The following MOB3B variants were observed in gnomAD, a reference collection of about 807,000 sequenced individuals.
The protein encoded by MOB3B is MOB kinase activator-like 2B.
In MOB3B, 7 loss-of-function variants were observed where a neutral mutation model predicts 18.7. The observed-to-expected ratio is 0.37, with a 90% confidence interval of 0.21 to 0.70. The LOEUF (loss-of-function observed/expected upper bound fraction) is 0.70, where lower values mean the gene tolerates loss of function less well. Ranked by LOEUF, MOB3B falls within the 30% of genes least tolerant of loss-of-function variation. MOB3B has a pLI of 0.52. For missense variants in MOB3B, 253 were observed against 281.3 expected (o/e 0.90, Z 0.72); for synonymous variants, 111 against 99.9 (o/e 1.11, Z -0.66).
At chr9:27,403,516 ATT>A (rs74178385) in intron 2 of MOB3B, among the ~76,000 whole-genome samples, 13,273 of 78,246 alleles carry the variant, frequency 0.17, 1,064 homozygotes, top group Non-Finnish European at 0.22. Context: ...CTCTTTACTA[ATT>A]TTTTTTTTTT....
At chr9:27,524,104 G>GA (rs113230406) in intron 1 of MOB3B, among the ~76,000 whole-genome samples, 2,774 of 96,944 alleles carry the variant, frequency 0.029, 96 homozygotes, top group African/African-American at 0.1. Context: ...ATTTTTCAGG[G>GA]AAAAAAAAAA....
chr9:27,345,970 A>G (rs1450350339), intron 3 of MOB3B, among the ~76,000 whole-genome samples: 1 of 152,228 alleles, frequency 6.6e-6, no homozygotes, highest in East Asian at 1.9e-4. Flanking sequence ...ATACCATGCT[A>G]TAATTTGAAT....
chr9:27,464,774 T>C (rs182284154), intron 1 of MOB3B, among the ~76,000 whole-genome samples: 77 of 152,210 alleles, frequency 5.1e-4, no homozygotes, highest in Middle Eastern at 3.4e-3. Flanking sequence ...ACTTCTTACA[T>C]GGCAGCAGCA....
chr9:27,522,743 T>C (rs1469510622), intron 1 of MOB3B, among the ~76,000 whole-genome samples: 4 of 152,060 alleles, frequency 2.6e-5, no homozygotes, highest in African/African-American at 4.8e-5. Flanking sequence ...TCAAATATTA[T>C]GTACATTTTT....
At chr9:27,420,545 T>A (rs1822228384) in intron 2 of MOB3B, among the ~76,000 whole-genome samples, 1 of 97,360 alleles carries the variant, frequency 1.0e-5, no homozygotes. Flanking sequence ...CATCTGTATA[T>A]TCCATATATA....
intron 2 of MOB3B, among the ~76,000 whole-genome samples, chr9:27,441,294 T>C (rs1006688242): frequency 3.3e-5 from 5 of 152,182 alleles, no homozygotes; most frequent in Non-Finnish European, 7.3e-5. Flanking sequence ...ATTCATACCA[T>C]AGATCTGAGC....
At chr9:27,487,681 G>T (rs954987491) in intron 1 of MOB3B, among the ~76,000 whole-genome samples, 1 of 152,106 alleles carries the variant, frequency 6.6e-6, no homozygotes, top group Non-Finnish European at 1.5e-5. Flanking sequence ...CTTAGGGGCT[G>T]CTTGGCCACC....
intron 1 of MOB3B, among the ~76,000 whole-genome samples, chr9:27,476,544 T>C (rs1240338262): frequency 6.6e-6 from 1 of 152,182 alleles, no homozygotes; most frequent in Non-Finnish European, 1.5e-5. Context: ...TGTTAACTGA[T>C]TATTTTCTGC....
At chr9:27,419,862 T>C (rs995831268) in intron 2 of MOB3B, among the ~76,000 whole-genome samples, 6 of 151,862 alleles carry the variant, frequency 4.0e-5, no homozygotes, top group Middle Eastern at 3.4e-3. Context: ...GCAGAGTAAA[T>C]AGAAAACCCA....
chr9:27,382,779 G>T (rs572488929), intron 2 of MOB3B, among the ~76,000 whole-genome samples: 1 of 151,702 alleles, frequency 6.6e-6, no homozygotes, highest in South Asian at 2.1e-4. Flanking sequence ...TGCAGAACTG[G>T]TGCTTTTTGC....
intron 3 of MOB3B, among the ~76,000 whole-genome samples, chr9:27,355,798 G>A (rs575097236): frequency 1.3e-5 from 2 of 152,006 alleles, no homozygotes; most frequent in Non-Finnish European, 2.9e-5. Context: ...TCCTGACCTC[G>A]TGATCTGCCT....
At position 27,328,799 on chromosome 9, in the gene MOB3B, T is replaced by C. The variant is rs942543141; in HGVS notation, c.*1788A>G. On this transcript the variant is annotated 3_prime_UTR_variant, in exon 4 of 4. Transcript: ENST00000262244. ...CTCTTGTTTCTGTTCTCTGGATCTCTGTGATGGTCAGATATTCTTTTGGCC... is the reference window on the plus strand; with the variant it reads ...CTCTTGTTTCTGTTCTCTGGATCTCCGTGATGGTCAGATATTCTTTTGGCC... The C allele has an allele frequency of 1.3e-5, 2 of 152,648 alleles. No individual in the cohort carries two copies. Among genetic ancestry groups the C allele is most frequent in the Non-Finnish European group, 2.9e-5 (2 of 68,060 alleles). The allele number at this position is 152,648 out of a possible 1,614,324, so 9.5% of individuals were successfully genotyped here.
At chr9:27,362,047 C>T (rs1212794794) in intron 2 of MOB3B, among the ~76,000 whole-genome samples, 1 of 152,206 alleles carries the variant, frequency 6.6e-6, no homozygotes, top group Non-Finnish European at 1.5e-5. Flanking sequence ...ATGGCAATTG[C>T]TGGCCCCTTT....
At chr9:27,450,250 A>T (rs1822764250) in intron 2 of MOB3B, among the ~76,000 whole-genome samples, 1 of 152,130 alleles carries the variant, frequency 6.6e-6, no homozygotes, top group South Asian at 2.1e-4. Context: ...GAGCAACTAG[A>T]CATTCTGGAC....
chr9:27,412,756 A>G (rs1822089719), intron 2 of MOB3B, among the ~76,000 whole-genome samples: 1 of 152,236 alleles, frequency 6.6e-6, no homozygotes, highest in South Asian at 2.1e-4. Flanking sequence ...CCTGCTTTGA[A>G]CAGAAACAGT....
rs2131325831 is a variant in MOB3B, at chr9:27,328,195, A to C, written c.*2392T>G. 1 of 152,036 alleles carries C rather than the reference A, an allele frequency of 6.6e-6. No homozygotes were observed. Among genetic ancestry groups the C allele is most frequent in the African/African-American group, 2.4e-5 (1 of 41,546 alleles). 9.4% of individuals were successfully genotyped at this position (152,036 alleles called of 1,614,324 possible). A position where few individuals can be genotyped will look rare whatever the true frequency, so the allele number is the denominator to read the frequency against. On this transcript the variant is annotated 3_prime_UTR_variant, in exon 4 of 4. Coordinates refer to ENST00000262244, the MANE Select transcript of MOB3B (RefSeq NM_024761.5). Reference sequence around the variant, plus strand: ...TAAAATTTCCCAAAATTAAAATGAAAGCAGAAAAAGAAGGAGAGTAGGACA... The same window carrying C: ...TAAAATTTCCCAAAATTAAAATGAACGCAGAAAAAGAAGGAGAGTAGGACA...
chr9:27,500,902 GA>G (rs556804343), intron 1 of MOB3B, among the ~76,000 whole-genome samples: 1 of 151,614 alleles, frequency 6.6e-6, no homozygotes, highest in Admixed American at 6.6e-5. Flanking sequence ...AAATTTACAA[GA>G]AAAAAACAAA....
intron 3 of MOB3B, among the ~76,000 whole-genome samples, chr9:27,344,540 C>A (rs184495995): frequency 1.3e-5 from 2 of 152,350 alleles, no homozygotes; most frequent in East Asian, 3.9e-4. Context: ...GAAGATTCCT[C>A]TGCAGTATAC....
chr9:27,409,373 C>A (rs1403883448), intron 2 of MOB3B, among the ~76,000 whole-genome samples: 1 of 152,110 alleles, frequency 6.6e-6, no homozygotes, highest in African/African-American at 2.4e-5. Flanking sequence ...TGATCATAAC[C>A]ATGATGAGAT....
Sources: gnomAD v4.1 joint callset for allele counts (sites outside exome capture counted in the v4.1 genomes callset) on GRCh38, gnomAD v4.1.1 for gene constraint, MANE v1.5 for transcripts, NCBI Gene and HGNC (gene_info 2026-07-23, HGNC 2026-07-21) for gene names.